PDE6C: variants seen among roughly 807,000 people sequenced by gnomAD.
PDE6C encodes the protein cone cGMP-specific 3',5'-cyclic phosphodiesterase subunit alpha'.
Under a neutral mutation model 113.1 loss-of-function variants are expected in PDE6C, and 75 were observed. That is an observed-to-expected ratio of 0.66 (90% CI 0.55 to 0.80). The LOEUF is 0.80. Among genes scored for constraint, PDE6C ranks in the 30% least tolerant of loss-of-function variants. The pLI is 0.00. For synonymous variants in PDE6C, 375 were observed against 363.7 expected (o/e 1.03, Z -0.35); for missense variants, 912 against 1,038.6 (o/e 0.88, Z 1.67).
chr10:93,627,202 C>T (rs2058477351), intron 7 of PDE6C, among the ~76,000 whole-genome samples: 1 of 129,132 alleles, frequency 7.7e-6, no homozygotes, highest in African/African-American at 2.9e-5. Flanking sequence ...GTGGAGATTG[C>T]AGTGAGCCAA....
In PDE6C at chr10:93,659,111, A is replaced by C. The variant is rs200914002; in HGVS notation, c.2152A>C (p.Met718Leu). ...PTKKEIIMAMMMTACDLSAIT... is the reference protein window; with the variant it reads ...PTKKEIIMAMLMTACDLSAIT... Reference sequence around the variant, plus strand: ...TTTTGTTTTCTTCCTAAGGGCAATGATGATGACGGCATGTGACTTGTCTGC... The same window carrying C: ...TTTTGTTTTCTTCCTAAGGGCAATGCTGATGACGGCATGTGACTTGTCTGC... Residue 718 changes from methionine (M) to leucine (L), a missense_variant, in exon 18 of 22, where the codon ATG becomes CTG. Transcript: ENST00000371447. 32 of 1,610,796 alleles carry C rather than the reference A, an allele frequency of 2.0e-5. No individual in the cohort carries two copies. The highest frequency in any genetic ancestry group is 2.7e-5 in the Non-Finnish European group (32 of 1,178,732).
intron 15 of PDE6C, among the ~76,000 whole-genome samples, chr10:93,652,371 C>G (rs1048979851): frequency 6.6e-6 from 1 of 151,870 alleles, no homozygotes; most frequent in African/African-American, 2.4e-5. Flanking sequence ...AAAGGGAGAA[C>G]AGAGAAAATC....
Position 93,665,493 on chromosome 10 carries a change from A to T in PDE6C, c.*75A>T, listed in dbSNP as rs572062441. The T allele has an allele frequency of 1.0e-6, 1 of 984,948 alleles. No individual in the cohort carries two copies. The highest frequency in any genetic ancestry group is 1.6e-6 in the Non-Finnish European group (1 of 610,222). 61.0% of individuals were successfully genotyped at this position (984,948 alleles called of 1,614,324 possible). A position where few individuals can be genotyped will look rare whatever the true frequency, so the allele number is the denominator to read the frequency against. On this transcript the variant is annotated 3_prime_UTR_variant, in exon 22 of 22. Coordinates refer to ENST00000371447, the MANE Select transcript of PDE6C (RefSeq NM_006204.4). ...ACCAGAAAACATTCAAAAGAACTTC[A>T]ACAAATCATCACGTAACAGGATCTT... is the stretch of plus-strand genomic sequence containing the variant.
chr10:93,630,790 C>A (rs1039562790), intron 8 of PDE6C, among the ~76,000 whole-genome samples: 1 of 152,170 alleles, frequency 6.6e-6, no homozygotes, highest in South Asian at 2.1e-4. Flanking sequence ...ACACTTGCTT[C>A]GTTACGTGCA....
At chr10:93,621,285 G>T (rs896188589) in intron 3 of PDE6C, among the ~76,000 whole-genome samples, 8 of 152,154 alleles carry the variant, frequency 5.3e-5, no homozygotes, top group African/African-American at 1.9e-4. Context: ...ACTTCAGATG[G>T]TTGTTGTGAC....
intron 4 of PDE6C, among the ~76,000 whole-genome samples, chr10:93,624,967 A>C (rs2058466786): frequency 6.6e-6 from 1 of 152,160 alleles, no homozygotes; most frequent in South Asian, 2.1e-4. Flanking sequence ...TGTCACTCTC[A>C]TCAGCTTTTA....
At position 93,658,192 on chromosome 10, in the gene PDE6C, AG is replaced by A. The variant is rs1252627736; in HGVS notation, c.2037-708del. 1.1e-3 allele frequency among the ~76,000 whole-genome samples: 142 copies of A among 133,584 alleles called. 3 individuals carry two copies. The highest frequency in any genetic ancestry group is 1.8e-3 in the African/African-American group (60 of 33,532). 87.6% of individuals were successfully genotyped at this position (133,584 alleles called of 152,430 possible). A position where few individuals can be genotyped will look rare whatever the true frequency, so the allele number is the denominator to read the frequency against. Reference sequence around the variant, plus strand: ...CTCAAAAAAAAAAAAAAAAAAAAAAAGAAAAAGAAAAAGAAAAGAAAGAAAG... The same window carrying A: ...CTCAAAAAAAAAAAAAAAAAAAAAAAAAAAAGAAAAAGAAAAGAAAGAAAG... On this transcript the variant is annotated intron_variant, in intron 16 of 21. Transcript: ENST00000371447.
Position 93,661,411 on chromosome 10 carries a change from C to T in PDE6C, c.2209-648C>T, listed in dbSNP as rs147859902. 2.7e-3 allele frequency among the ~76,000 whole-genome samples: 416 copies of T among 152,316 alleles called. 2 individuals carry two copies. The highest frequency in any genetic ancestry group is 9.6e-3 in the African/African-American group (401 of 41,570). On this transcript the variant is annotated intron_variant, in intron 18 of 21. Transcript: ENST00000371447. ...CACCTCCTTCCTTCATGAAACTTAT[C>T]TTTACTCCCTTCTCCCTGACCCATA...
At chr10:93,645,724 CTTAGT>C (rs1387447681) in intron 14 of PDE6C, among the ~76,000 whole-genome samples, 1 of 152,032 alleles carries the variant, frequency 6.6e-6, no homozygotes, top group East Asian at 1.9e-4. Context: ...AGCTGAACTC[CTTAGT>C]TTAAACAATT....
Position 93,665,565 on chromosome 10 carries a change from C to A in PDE6C, c.*147C>A. The A allele has an allele frequency of 1.6e-6, 1 of 632,206 alleles. No homozygotes were observed. 39.2% of individuals were successfully genotyped at this position (632,206 alleles called of 1,614,324 possible). ...ATGAAGAAAATATATATTGCTAGCCCAAAAATCCCAGGGGCAAAATAAAGT... is the reference window on the plus strand; with the variant it reads ...ATGAAGAAAATATATATTGCTAGCCAAAAAATCCCAGGGGCAAAATAAAGT... On this transcript the variant is annotated 3_prime_UTR_variant, in exon 22 of 22. Coordinates refer to ENST00000371447, the MANE Select transcript of PDE6C (RefSeq NM_006204.4).
intron 11 of PDE6C, 82 bp from the exon 12 acceptor site, chr10:93,639,988 G>T: frequency 7.0e-7 from 1 of 1,420,472 alleles, no homozygotes. Flanking sequence ...TGTAATTTTG[G>T]TTTACACCCA....
chr10:93,663,772 A>G (rs1424549949), intron 21 of PDE6C, among the ~76,000 whole-genome samples: 1 of 152,088 alleles, frequency 6.6e-6, no homozygotes, highest in Non-Finnish European at 1.5e-5. Flanking sequence ...CACTTTGTCA[A>G]GTTTAATGTT....
In PDE6C at chr10:93,640,234, T is replaced by G. The variant is rs748212742; in HGVS notation, c.1629+18T>G. Reference sequence around the variant, plus strand: ...CTGTAGAGGTCAGAGGGTATTTAATTTAAAATACTGTGTGATTCTGTGGCT... The same window carrying G: ...CTGTAGAGGTCAGAGGGTATTTAATGTAAAATACTGTGTGATTCTGTGGCT... On this transcript the variant is annotated intron_variant, in intron 12 of 21. Coordinates refer to ENST00000371447, the MANE Select transcript of PDE6C (RefSeq NM_006204.4). 2.5e-6 allele frequency: 4 copies of G among 1,602,498 alleles called. No homozygotes were observed. The South Asian group carries it at 4.4e-5, about 18-fold the overall frequency.
chr10:93,652,458 T>C (rs10882294), intron 15 of PDE6C, among the ~76,000 whole-genome samples: 22,631 of 152,028 alleles, frequency 0.15, 2,002 homozygotes, highest in South Asian at 0.25. Flanking sequence ...TGAAAATGAG[T>C]GAGAAGAAAA....
intron 14 of PDE6C, among the ~76,000 whole-genome samples, chr10:93,641,458 T>A (rs1448871582): frequency 6.6e-6 from 1 of 151,948 alleles, no homozygotes; most frequent in East Asian, 1.9e-4. Flanking sequence ...GGTGAAACCC[T>A]GTCTCTACTA....
intron 18 of PDE6C, among the ~76,000 whole-genome samples, chr10:93,660,057 C>G (rs927118156): frequency 5.7e-4 from 87 of 152,072 alleles, no homozygotes; most frequent in Admixed American, 7.2e-4. Context: ...TAGGGAAACC[C>G]CTAAGCAGAA....
intron 8 of PDE6C, among the ~76,000 whole-genome samples, chr10:93,630,352 C>A (rs984501073): frequency 6.7e-6 from 1 of 149,110 alleles, no homozygotes; most frequent in Non-Finnish European, 1.5e-5. Context: ...TCCAGCCCAC[C>A]AGAAGGGCCA....
Position 93,646,008 on chromosome 10 carries a change from G to C in PDE6C, c.1896G>C (p.Arg632Ser). Residue 632 changes from arginine (R) to serine (S), a missense_variant, in exon 15 of 22, where the codon AGG becomes AGC. By Grantham distance (110) the Arg-to-Ser change is moderately radical. Transcript: ENST00000371447. Reference protein sequence around the residue: ...ARLHGSSILERHHLEYSKTLL... With the variant: ...ARLHGSSILESHHLEYSKTLL... ...TTCATGGTTCTTCTATTTTGGAGAG[G>C]CACCACCTGGAGTACAGTAAGACTC... The C allele has an allele frequency of 6.2e-7, 1 of 1,608,500 alleles. No individual in the cohort carries two copies. The highest frequency in any genetic ancestry group is 8.5e-7 in the Non-Finnish European group (1 of 1,175,118).
intron 1 of PDE6C, among the ~76,000 whole-genome samples, chr10:93,615,936 C>A (rs55832805): frequency 0.028 from 4,323 of 152,182 alleles, 82 homozygotes; most frequent in Middle Eastern, 0.044. Context: ...AGGGTTGGAA[C>A]GGAGGTGGCT....
Sources: gnomAD v4.1 joint callset for allele counts (sites outside exome capture counted in the v4.1 genomes callset) on GRCh38, gnomAD v4.1.1 for gene constraint, MANE v1.5 for transcripts, NCBI Gene and HGNC (gene_info 2026-07-23, HGNC 2026-07-21) for gene names.